The following SPART variants were observed in gnomAD, a reference collection of about 807,000 sequenced individuals.
SPART encodes the protein spastic paraplegia 20 (Troyer syndrome).
A neutral mutation model predicts 58.7 loss-of-function variants in SPART; 35 were observed. The ratio of observed to expected loss-of-function variants is 0.60; its 90% CI spans 0.46 to 0.79. The LOEUF is 0.79. Among genes scored for constraint, SPART ranks in the 30% least tolerant of loss-of-function variants. The pLI is 0.00. For synonymous variants in SPART, 284 were observed against 280.7 expected, an observed-to-expected ratio of 1.01 and a Z score of -0.12; for missense variants, 730 against 786.1, an observed-to-expected ratio of 0.93 and a Z score of 0.85.
intron 1 of SPART, among the ~76,000 whole-genome samples, chr13:36,339,914 A>G (rs899532785): frequency 1.3e-5 from 2 of 151,968 alleles, no homozygotes; most frequent in African/African-American, 4.8e-5. Context: ...AGAAAACATC[A>G]AAAAATTAGC....
intron 1 of SPART, among the ~76,000 whole-genome samples, chr13:36,339,562 C>G (rs935831618): frequency 2.4e-5 from 3 of 127,642 alleles, no homozygotes; most frequent in Non-Finnish European, 4.7e-5. Context: ...ACCCGGAAGG[C>G]AGAGGTTGCA....
intron 4 of SPART, among the ~76,000 whole-genome samples, chr13:36,328,114 G>A (rs1245557433): frequency 6.6e-6 from 1 of 152,076 alleles, no homozygotes; most frequent in Admixed American, 6.5e-5. Context: ...GGTTTCTTGT[G>A]ATTAATTTTA....
At chr13:36,324,285 G>A (rs1882696973) in intron 5 of SPART, among the ~76,000 whole-genome samples, 2 of 152,190 alleles carry the variant, frequency 1.3e-5, no homozygotes, top group South Asian at 2.1e-4. Context: ...GCTTCTGTCT[G>A]TTTGCTGGAT....
chr13:36,326,180 A>AG (rs1882911463), intron 5 of SPART: 1 of 286,334 alleles, frequency 3.5e-6, no homozygotes, highest in African/African-American at 2.3e-5. Context: ...CCATCACCTC[A>AG]GGGGTTAGGA....
chr13:36,321,588 C>G (rs1359473476), intron 5 of SPART, among the ~76,000 whole-genome samples: 2 of 152,122 alleles, frequency 1.3e-5, no homozygotes, highest in African/African-American at 4.8e-5. Context: ...ATCTCTCCCA[C>G]TCTAGGTTCC....
chr13:36,305,453 G>A (rs1007644610), intron 8 of SPART, among the ~76,000 whole-genome samples: 1 of 152,022 alleles, frequency 6.6e-6, no homozygotes, highest in East Asian at 1.9e-4. Context: ...TATTGGAGAG[G>A]AGAATCTTAC....
chr13:36,368,575 T>C (rs1205333802), intron 1 of SPART, among the ~76,000 whole-genome samples: 1 of 152,220 alleles, frequency 6.6e-6, no homozygotes, highest in African/African-American at 2.4e-5. Flanking sequence ...TATGTAATAA[T>C]TCAATATTAA....
At chr13:36,361,271 G>A (rs1202628927) in intron 1 of SPART, among the ~76,000 whole-genome samples, 4 of 152,100 alleles carry the variant, frequency 2.6e-5, no homozygotes, top group Non-Finnish European at 5.9e-5. Context: ...TCTTTTTCAG[G>A]ATATTTCTGA....
intron 5 of SPART, among the ~76,000 whole-genome samples, chr13:36,318,524 T>C (rs1025716023): frequency 1.3e-5 from 2 of 152,158 alleles, no homozygotes; most frequent in Admixed American, 6.5e-5. Context: ...AATTAAATTC[T>C]GGCCCTCAAA....
Position 36,311,894 on chromosome 13 carries a change from C to T in SPART, c.1733+251G>A, listed in dbSNP as rs1448536032. Among the ~76,000 whole-genome samples the T allele has an allele frequency of 2.6e-5, 4 of 151,616 alleles. No individual in the cohort carries two copies. In the East Asian group the frequency reaches 7.7e-4, roughly 29 times the overall value. ...CCTGAGGTCAGGAGTTCGAGACCAGCCTGGCTAATGTGGTGAAACCCCATT... is the reference window on the plus strand; with the variant it reads ...CCTGAGGTCAGGAGTTCGAGACCAGTCTGGCTAATGTGGTGAAACCCCATT... On this transcript the variant is annotated intron_variant, in intron 8 of 8. Coordinates refer to ENST00000438666, the MANE Select transcript of SPART (RefSeq NM_015087.5).
At chr13:36,320,239 G>A (rs9566079) in intron 5 of SPART, among the ~76,000 whole-genome samples, 37,210 of 151,934 alleles carry the variant, frequency 0.24, 4,949 homozygotes, top group East Asian at 0.51. Context: ...GCCTTCAGCT[G>A]TACTCACTCT....
At chr13:36,312,711 G>C (rs185309400) in intron 6 of SPART, 3 of 563,860 alleles carry the variant, frequency 5.3e-6, no homozygotes, top group Non-Finnish European at 9.4e-6. Flanking sequence ...CTGAGTAGCT[G>C]GGACTACAGG....
intron 2 of SPART, among the ~76,000 whole-genome samples, chr13:36,333,507 C>T (rs115224345): frequency 1.3e-5 from 2 of 149,240 alleles, no homozygotes; most frequent in African/African-American, 2.5e-5. Flanking sequence ...GCTACAAATA[C>T]CTGAATACAA....
intron 8 of SPART, among the ~76,000 whole-genome samples, chr13:36,307,553 G>T (rs918465499): frequency 1.3e-5 from 2 of 151,896 alleles, no homozygotes; most frequent in Non-Finnish European, 2.9e-5. Flanking sequence ...AGAAAATATT[G>T]CTGGGGAAAA....
At chr13:36,365,662 G>A in intron 1 of SPART, 1 of 455,754 alleles carries the variant, frequency 2.2e-6, no homozygotes. Flanking sequence ...TAAGGGTGAG[G>A]AATTTTAATT....
At chr13:36,318,739 G>A (rs1216507059) in intron 5 of SPART, among the ~76,000 whole-genome samples, 3 of 152,178 alleles carry the variant, frequency 2.0e-5, no homozygotes, top group South Asian at 2.1e-4. Context: ...TCTGGCCACT[G>A]GGCCAAGGAA....
At chr13:36,369,196 C>T (rs1449834976) in intron 1 of SPART, among the ~76,000 whole-genome samples, 1 of 151,994 alleles carries the variant, frequency 6.6e-6, no homozygotes, top group Non-Finnish European at 1.5e-5. Flanking sequence ...AATGAAAAAA[C>T]ATAACTTGTA....
chr13:36,342,370 CAAAG>C (rs1265340120), intron 1 of SPART, among the ~76,000 whole-genome samples: 2 of 152,074 alleles, frequency 1.3e-5, no homozygotes, highest in African/African-American at 2.4e-5. Flanking sequence ...GTTATAAAAA[CAAAG>C]AAGAATGTGC....
At chr13:36,347,493 T>G (rs1044836279), upstream of SPART, among the ~76,000 whole-genome samples, 3 of 152,164 alleles carry the variant, frequency 2.0e-5, no homozygotes, top group African/African-American at 4.8e-5. Context: ...CCTCAAGCGA[T>G]CCACCTGCCT....
Sources: gnomAD v4.1 joint callset for allele counts (sites outside exome capture counted in the v4.1 genomes callset) on GRCh38, gnomAD v4.1.1 for gene constraint, MANE v1.5 for transcripts, NCBI Gene and HGNC (gene_info 2026-07-23, HGNC 2026-07-21) for gene names.